The following CNTNAP4 variants were observed in gnomAD, a reference collection of about 807,000 sequenced individuals.
CNTNAP4 encodes the protein contactin associated protein family member 4.
In CNTNAP4, 98 loss-of-function variants were observed where a neutral mutation model predicts 148.4. The observed-to-expected ratio is 0.66, with a 90% CI of 0.56 to 0.78. CNTNAP4 has a LOEUF of 0.78. Among genes scored for constraint, CNTNAP4 ranks in the 30% least tolerant of loss-of-function variants. CNTNAP4 has a pLI of 0.00. For synonymous variants in CNTNAP4, 730 were observed against 565.1 expected, an observed-to-expected ratio of 1.29 and a Z score of -4.14; for missense variants, 1,935 against 1,565.6, an observed-to-expected ratio of 1.24 and a Z score of -3.98.
At chr16:76,546,408 G>A (rs2084736106) in intron 21 of CNTNAP4, among the ~76,000 whole-genome samples, 1 of 152,104 alleles carries the variant, frequency 6.6e-6, no homozygotes, top group Non-Finnish European at 1.5e-5. Flanking sequence ...TGTCAGATCA[G>A]CCACAGCATT....
intron 3 of CNTNAP4, among the ~76,000 whole-genome samples, chr16:76,358,837 C>T (rs745740479): frequency 6.2e-5 from 9 of 144,444 alleles, no homozygotes; most frequent in Non-Finnish European, 7.7e-5. Context: ...TGAAAGTATA[C>T]GTATGTGTGT....
intron 2 of CNTNAP4, 63 bp downstream of exon 2, chr16:76,316,586 G>A: frequency 9.5e-7 from 1 of 1,048,796 alleles, no homozygotes; most frequent in South Asian, 1.3e-5. Flanking sequence ...CATTATCTTT[G>A]CATACAGTCA....
chr16:76,493,667 T>G (rs1054952745), intron 13 of CNTNAP4, among the ~76,000 whole-genome samples: 2 of 152,138 alleles, frequency 1.3e-5, no homozygotes, highest in Non-Finnish European at 2.9e-5. Flanking sequence ...TGAAATATAT[T>G]TATTAAGTAT....
In CNTNAP4 at chr16:76,468,865, T is replaced by C. The variant is rs564567043; in HGVS notation, c.1655+1342T>C. On this transcript the variant is annotated intron_variant, in intron 10 of 23. Transcript: ENST00000611870. ...TTAATATCAAGGCTGTTAATTTTAA[T>C]TATTGAGTTTAATGGAATGCCATAA... Among the ~76,000 whole-genome samples the C allele has an allele frequency of 2.3e-3, 346 of 152,318 alleles. 1 individual carries two copies. Among genetic ancestry groups the C allele is most frequent in the African/African-American group, 7.7e-3 (320 of 41,580 alleles).
chr16:76,548,015 C>G (rs1341369821), intron 21 of CNTNAP4, among the ~76,000 whole-genome samples: 2 of 152,196 alleles, frequency 1.3e-5, no homozygotes, highest in African/African-American at 4.8e-5. Context: ...ACAGGTTATG[C>G]TGAAAGCAAA....
intron 17 of CNTNAP4, among the ~76,000 whole-genome samples, chr16:76,524,749 G>A (rs1315823803): frequency 6.6e-6 from 1 of 152,118 alleles, no homozygotes; most frequent in African/African-American, 2.4e-5. Context: ...GAAATGTAAG[G>A]ATGGGTGTTA....
chr16:76,366,534 T>C (rs1015716575), intron 3 of CNTNAP4, among the ~76,000 whole-genome samples: 2 of 152,242 alleles, frequency 1.3e-5, no homozygotes, highest in African/African-American at 4.8e-5. Flanking sequence ...CAGTCTTTCA[T>C]TGATGGGCAT....
intron 18 of CNTNAP4, among the ~76,000 whole-genome samples, chr16:76,536,408 C>A (rs2084214203): frequency 6.6e-6 from 1 of 152,054 alleles, no homozygotes; most frequent in Admixed American, 6.6e-5. Context: ...GTTGCCCAGG[C>A]TGGTCTCAAG....
chr16:76,374,357 C>G (rs2015188569), intron 3 of CNTNAP4, among the ~76,000 whole-genome samples: 1 of 152,136 alleles, frequency 6.6e-6, no homozygotes, highest in South Asian at 2.1e-4. Flanking sequence ...CCAAGAGCTA[C>G]AAAGCGATTA....
chr16:76,457,099 C>T (rs2080763627), intron 8 of CNTNAP4, among the ~76,000 whole-genome samples: 2 of 152,172 alleles, frequency 1.3e-5, no homozygotes, highest in African/African-American at 2.4e-5. Flanking sequence ...CATTTACTTA[C>T]ACAATATCAG....
At chr16:76,505,159 T>A (rs1352215094) in intron 15 of CNTNAP4, among the ~76,000 whole-genome samples, 1 of 152,150 alleles carries the variant, frequency 6.6e-6, no homozygotes, top group Non-Finnish European at 1.5e-5. Context: ...ATAGTCAGTT[T>A]TTTGTTATTA....
At chr16:76,309,672 C>G (rs948993941) in intron 1 of CNTNAP4, among the ~76,000 whole-genome samples, 7 of 152,182 alleles carry the variant, frequency 4.6e-5, no homozygotes, top group Admixed American at 3.9e-4. Flanking sequence ...CCATTCAAAT[C>G]TCAACTTGAA....
At chr16:76,436,665 G>A (rs1436774719) in intron 4 of CNTNAP4, among the ~76,000 whole-genome samples, 1 of 152,018 alleles carries the variant, frequency 6.6e-6, no homozygotes, top group Admixed American at 6.6e-5. Context: ...CTCCACATAT[G>A]GTCAAAGGTA....
intron 3 of CNTNAP4, among the ~76,000 whole-genome samples, chr16:76,388,574 TA>T (rs1281051078): frequency 2.0e-5 from 3 of 152,216 alleles, no homozygotes; most frequent in African/African-American, 7.2e-5. Flanking sequence ...TTAAGCTATC[TA>T]AAAGTCATCT....
intron 9 of CNTNAP4, among the ~76,000 whole-genome samples, chr16:76,465,209 C>A (rs1597630451): frequency 6.6e-6 from 1 of 152,212 alleles, no homozygotes; most frequent in Non-Finnish European, 1.5e-5. Flanking sequence ...ATTAATTCAG[C>A]ACTAAGTATT....
In CNTNAP4 at chr16:76,526,597, A is replaced by C. The variant is rs1597066771; in HGVS notation, c.2755+4340A>C. On this transcript the variant is annotated intron_variant, in intron 17 of 23. Coordinates refer to ENST00000611870, the MANE Select transcript of CNTNAP4 (RefSeq NM_033401.5). ...CATTGATGTTAGTGTTTTACCACTTATCTATGATAATATGCTTGGGGATGA... is the reference window on the plus strand; with the variant it reads ...CATTGATGTTAGTGTTTTACCACTTCTCTATGATAATATGCTTGGGGATGA... Among the ~76,000 whole-genome samples, 3 of 152,182 alleles carry C rather than the reference A, an allele frequency of 2.0e-5. No individual in the cohort carries two copies. The South Asian group carries it at 6.2e-4, about 32-fold the overall frequency.
chr16:76,333,779 GTTTTTTTTTTTTT>G (rs549878036), intron 2 of CNTNAP4, among the ~76,000 whole-genome samples: 1 of 45,606 alleles, frequency 2.2e-5, no homozygotes, highest in South Asian at 9.6e-4. Flanking sequence ...TGGGTTATAG[GTTTTTTTTTTTTT>G]TTTTTTTTTT....
At chr16:76,363,984 C>A (rs1040804994) in intron 3 of CNTNAP4, among the ~76,000 whole-genome samples, 8 of 151,918 alleles carry the variant, frequency 5.3e-5, no homozygotes, top group African/African-American at 1.9e-4. Flanking sequence ...GGCCTGTAAT[C>A]CCAGCACTTT....
intron 3 of CNTNAP4, among the ~76,000 whole-genome samples, chr16:76,408,143 A>T (rs1163199086): frequency 6.6e-6 from 1 of 152,128 alleles, no homozygotes; most frequent in African/African-American, 2.4e-5. Flanking sequence ...TAAAATATAA[A>T]GATACTATTT....
Sources: gnomAD v4.1 joint callset for allele counts (sites outside exome capture counted in the v4.1 genomes callset) on GRCh38, gnomAD v4.1.1 for gene constraint, MANE v1.5 for transcripts, NCBI Gene and HGNC (gene_info 2026-07-23, HGNC 2026-07-21) for gene names.